PLEC: variants seen among roughly 807,000 people sequenced by gnomAD.
The protein encoded by PLEC is plectin, also known as hemidesmosomal protein 1.
In PLEC, 216 loss-of-function variants were observed where a neutral mutation model predicts 392.8. The observed-to-expected ratio is 0.55, with a 90% CI of 0.49 to 0.62. The LOEUF is 0.62. Among genes scored for constraint, PLEC ranks in the 20% least tolerant of loss-of-function variants. The probability of loss-of-function intolerance (pLI) is 0.00; values close to 1 mark genes in which losing one functional copy is unlikely to be tolerated. For synonymous variants in PLEC, 3,621 were observed against 2,980.6 expected, an observed-to-expected ratio of 1.21 and a Z score of -7.00; for missense variants, 6,863 against 6,563.4, an observed-to-expected ratio of 1.05 and a Z score of -1.58.
chr8:143,935,876 G>C lies in PLEC; in HGVS notation c.574C>G (p.Leu192Val), dbSNP rs1554722767. 2 of 1,612,924 alleles carry C rather than the reference G, an allele frequency of 1.2e-6. No individual in the cohort carries two copies. Among genetic ancestry groups the C allele is most frequent in the East Asian group, 4.5e-5 (2 of 44,888 alleles). The change falls in exon 6 of 32, where the codon CTC becomes GTC. Residue 192 changes from leucine to valine, a missense_variant. Physicochemically the swap from Leu to Val is conservative, Grantham distance 32. Coordinates refer to ENST00000345136, the MANE Select transcript of PLEC (RefSeq NM_201384.3). Reference sequence around the variant, plus strand: ...TGCCGGTGGATGATGGCATTGAAGAGGCGGCCGTCTCTCCAGCTGGAGGTG... The same window carrying C: ...TGCCGGTGGATGATGGCATTGAAGACGCGGCCGTCTCTCCAGCTGGAGGTG... ...NFTSSWRDGR[L>V]FNAIIHRHKP...
chr8:143,932,419 G>A lies in PLEC; in HGVS notation c.1958C>T (p.Ala653Val), dbSNP rs1444024510. ...GCTCACCGAGTAGCTCTCCTTCTTG[G>A]CGGTCATGTTGGTGTTGCGGTCGCT... ...DWSDRNTNMT[A>V]KKESYSALMR... is the part of the protein sequence containing the mutation. The change falls in exon 16 of 32, where the codon GCC becomes GTC. Residue 653 changes from alanine to valine, a missense_variant. Physicochemically the swap from Ala to Val is moderately conservative, Grantham distance 64. Transcript: ENST00000345136. 1.2e-6 allele frequency: 2 copies of A among 1,612,774 alleles called. No homozygotes were observed. Among genetic ancestry groups the A allele is most frequent in the Non-Finnish European group, 1.7e-6 (2 of 1,179,980 alleles).
At position 143,916,375 on chromosome 8, in the gene PLEC, G is replaced by A. The variant is rs1554668901; in HGVS notation, c.13446C>T (p.Gly4482=). 1 of 1,610,356 alleles carries A rather than the reference G, an allele frequency of 6.2e-7. No homozygotes were observed. The highest frequency in any genetic ancestry group is 2.2e-5 in the East Asian group (1 of 44,804). ...TGCGGGAGCCAGCGGTAGAGCCGGA[G>A]CCGCTGACGCTGTAGGGGCTGTAGT... is the stretch of plus-strand genomic sequence containing the variant. The part of the protein sequence containing the change: ...KGYYSPYSVS[G]SGSTAGSRTG... Residue 4482 remains glycine (G), a synonymous_variant, in exon 32 of 32, where the codon GGC becomes GGT. Coordinates refer to ENST00000345136, the MANE Select transcript of PLEC (RefSeq NM_201384.3).
In PLEC at chr8:143,922,763, A is replaced by G. The variant is rs782669267; in HGVS notation, c.7166T>C (p.Val2389Ala). Residue 2389 changes from valine to alanine, a missense_variant, in exon 31 of 32, where the codon GTG becomes GCG. Transcript: ENST00000345136. ...SAEAERLKLR[V>A]AEMSRAQARA... ...GGCCTGGGCTCGGCTCATCTCGGCC[A>G]CACGCAGCTTGAGGCGCTCAGCCTC... 1 of 1,607,816 alleles carries G rather than the reference A, an allele frequency of 6.2e-7. No individual in the cohort carries two copies. The highest frequency in any genetic ancestry group is 1.7e-5 in the Admixed American group (1 of 59,780).
At chr8:143,932,590 G>A in intron 15 of PLEC, 29 bp from the exon 16 acceptor site, 3 of 1,612,264 alleles carry the variant, frequency 1.9e-6, no homozygotes, top group Non-Finnish European at 2.5e-6. Flanking sequence ...GTGTCAGCAG[G>A]CCGCGGGCTA....
chr8:143,924,817 G>A lies in PLEC; in HGVS notation c.5112C>T (p.Thr1704=), dbSNP rs1554699125. Reference sequence around the variant, plus strand: ...GCTCCGCGGCCAGGCGCTGCTGCGCGGTGCCTTCCGCCAGCTGCCGCTGCT... The same window carrying A: ...GCTCCGCGGCCAGGCGCTGCTGCGCAGTGCCTTCCGCCAGCTGCCGCTGCT... The part of the protein sequence containing the change: ...LEKQRQLAEG[T]AQQRLAAEQE... Residue 1704 remains threonine (T), a synonymous_variant, in exon 31 of 32, where the codon ACC becomes ACT. Coordinates refer to ENST00000345136, the MANE Select transcript of PLEC (RefSeq NM_201384.3). 48 of 1,541,594 alleles carry A rather than the reference G, an allele frequency of 3.1e-5. No homozygotes were observed. The highest frequency in any genetic ancestry group is 1.7e-4 in the Middle Eastern group (1 of 5,940).
In PLEC at chr8:143,919,165, C is replaced by T. The variant is rs368312695; in HGVS notation, c.10656G>A (p.Val3552=). The change falls in exon 32 of 32, where the codon GTG becomes GTA. Residue 3552 remains valine (V), a synonymous_variant. Coordinates refer to ENST00000345136, the MANE Select transcript of PLEC (RefSeq NM_201384.3). ...PLKGAEKAEV[V]ETTQVYTEEE... ...CCTCAGTGTACACCTGCGTGGTCTC[C>T]ACCACCTCAGCCTTCTCCGCCCCTT... 1.8e-4 allele frequency: 284 copies of T among 1,613,626 alleles called. No individual in the cohort carries two copies. In the African/African-American group the frequency reaches 3.2e-3, roughly 18 times the overall value.
chr8:143,921,511 G>C lies in PLEC; in HGVS notation c.8310C>G (p.Ala2770=), dbSNP rs782338339. 15 of 1,612,968 alleles carry C rather than the reference G, an allele frequency of 9.3e-6. No individual in the cohort carries two copies. The highest frequency in any genetic ancestry group is 1.7e-5 in the Admixed American group (1 of 60,018). ...CCTTGTAGCCAGTGACGGCGCGCTC[G>C]GCCGACAGCAGCTTGTGGTGCAGCT... is the stretch of plus-strand genomic sequence containing the variant. ...GPELHHKLLS[A]ERAVTGYKDP... The change falls in exon 32 of 32, where the codon GCC becomes GCG. Residue 2770 remains alanine (A), a synonymous_variant. Coordinates refer to ENST00000345136, the MANE Select transcript of PLEC (RefSeq NM_201384.3).
upstream of PLEC, among the ~76,000 whole-genome samples, chr8:143,941,943 AG>A (rs1161957604): frequency 1.6e-4 from 25 of 152,122 alleles, no homozygotes; most frequent in Admixed American, 1.6e-3. Flanking sequence ...CCCGTTTTAC[AG>A]GTGTGGACCC....
rs201670327 is a variant in PLEC at position 143,917,803 on chromosome 8, C to T, written c.12018G>A (p.Ser4006=). 4.5e-5 allele frequency: 73 copies of T among 1,613,524 alleles called. No homozygotes were observed. Among genetic ancestry groups the T allele is most frequent in the South Asian group, 3.2e-4 (29 of 91,080 alleles). ...TGTACCCAGTGACGGCGCGCTCGGC[C>T]GACAGCAGCTTGTCCTTGAACTCGG... ...VGPEFKDKLL[S]AERAVTGYKD... Residue 4006 remains serine (S), a synonymous_variant, in exon 32 of 32, where the codon TCG becomes TCA. Transcript: ENST00000345136.
chr8:143,937,382 C>T, intron 3 of PLEC, 140 bp from the exon 4 acceptor site: 5 of 694,046 alleles, frequency 7.2e-6, no homozygotes, highest in South Asian at 4.9e-5. Flanking sequence ...TTCACCCTCC[C>T]CCGCAGGGAA....
upstream of PLEC, chr8:143,958,849 G>T (rs1329293881): frequency 7.9e-6 from 2 of 253,430 alleles, no homozygotes; most frequent in African/African-American, 2.2e-5. The surrounding 1 kb of genome is among the most constrained non-coding windows in gnomAD (Gnocchi z 4.9). Flanking sequence ...CAGACACGAA[G>T]GTGTCACCAC....
In PLEC at chr8:143,935,083, G is replaced by A; in HGVS notation, c.753C>T (p.Ile251=). 6.2e-7 allele frequency: 1 copy of A among 1,613,010 alleles called. No individual in the cohort carries two copies. Among genetic ancestry groups the A allele is most frequent in the Non-Finnish European group, 8.5e-7 (1 of 1,179,974 alleles). The change falls in exon 8 of 32, where the codon ATC becomes ATT. Residue 251 remains isoleucine, a synonymous_variant. Transcript: ENST00000345136. ...CATACAGCGACGAGACGTAGGTGAT[G>A]ATGGACTTCTCGTCGGGCTGAGGGA... is the stretch of plus-strand genomic sequence containing the variant. ...VDVPQPDEKS[I]ITYVSSLYDA...
intron 1 of PLEC, among the ~76,000 whole-genome samples, chr8:143,950,001 A>G (rs1554734637): frequency 6.6e-6 from 1 of 152,188 alleles, no homozygotes; most frequent in African/African-American, 2.4e-5. Context: ...AGGAGGGGCC[A>G]CATGGGCCCA....
chr8:143,973,203 G>T lies in PLEC; in HGVS notation c.70+200C>A, dbSNP rs1833520638. On this transcript the variant is annotated intron_variant, in intron 1 of 31. Transcript: ENST00000356346. This position sits in a 1 kb window ranked among gnomAD's most constrained non-coding sequence, Gnocchi z 5.6. ...CCCGAGCCGCGCGATGCCCTATTAA[G>T]GGCATGGCCTCGGGGGCTCAGCGGA... 7.0e-6 allele frequency among the ~76,000 whole-genome samples: 1 copy of T among 142,756 alleles called. No individual in the cohort carries two copies. The highest frequency in any genetic ancestry group is 1.5e-5 in the Non-Finnish European group (1 of 65,142). The allele number at this position is 142,756 out of a possible 152,430, so 93.7% of individuals were successfully genotyped here.
chr8:143,938,609 C>A (rs7823393), intron 2 of PLEC, 22 bp downstream of exon 2: 2 of 1,612,086 alleles, frequency 1.2e-6, no homozygotes, highest in Non-Finnish European at 1.7e-6. Context: ...CCCTGTGACA[C>A]GCACCAGCAT....
Position 143,921,547 on chromosome 8 carries a change from C to T in PLEC, c.8274G>A (p.Val2758=), listed in dbSNP as rs782739366. 2 of 1,612,680 alleles carry T rather than the reference C, an allele frequency of 1.2e-6. No individual in the cohort carries two copies. The highest frequency in any genetic ancestry group is 1.7e-6 in the Non-Finnish European group (2 of 1,179,640). The change falls in exon 32 of 32, where the codon GTG becomes GTA. Residue 2758 remains valine (V), a synonymous_variant. Transcript: ENST00000345136. ...GCTTGTGGTGCAGCTCGGGGCCCAC[C>T]ACACCCTCCTTCACAGCCTCGTTGA... The part of the protein sequence containing the change: ...LTVNEAVKEG[V]VGPELHHKLL...
rs1828908426 is a variant in PLEC, at chr8:143,935,845, T to C, written c.602+3A>G. On this transcript the variant is annotated splice_donor_region_variant and intron_variant, in intron 6 of 31. Coordinates refer to ENST00000345136, the MANE Select transcript of PLEC (RefSeq NM_201384.3). The stretch of plus-strand genomic sequence containing the variant: ...ACAGCCCCCTGCCCCCGGGGCCATG[T>C]ACTTGTGCCGGTGGATGATGGCATT... The C allele has an allele frequency of 6.2e-7, 1 of 1,612,826 alleles. No homozygotes were observed.
Position 143,927,265 on chromosome 8 carries a change from A to G in PLEC, c.3827T>C (p.Ile1276Thr). The change falls in exon 28 of 32, where the codon ATC becomes ACC. Residue 1276 changes from isoleucine to threonine, a missense_variant. Ile to Thr is a moderately conservative substitution (Grantham distance 89, BLOSUM62 -1). Coordinates refer to ENST00000345136, the MANE Select transcript of PLEC (RefSeq NM_201384.3). ...EECQRFAKQY[I>T]NAIKDYELQL... ...GCTGGGCCTCACCTTGATGGCGTTG[A>G]TGTACTGTTTCGCAAACCTCTGGCA... is the stretch of plus-strand genomic sequence containing the variant. The G allele has an allele frequency of 6.2e-7, 1 of 1,613,110 alleles. No individual in the cohort carries two copies. The highest frequency in any genetic ancestry group is 8.5e-7 in the Non-Finnish European group (1 of 1,179,848).
In PLEC at chr8:143,925,124, G is replaced by C. The variant is rs1554700810; in HGVS notation, c.4805C>G (p.Ala1602Gly). The change falls in exon 31 of 32, where the codon GCT becomes GGT. Residue 1602 changes from alanine to glycine, a missense_variant. Transcript: ENST00000345136. ...AGCCTCCTCCCGCAGCTGTGCCACA[G>C]CCACGTGTTCCTCCTGCAGGGAGCG... ...LERSLQEEHV[A>G]VAQLREEAER... 1.3e-6 allele frequency: 2 copies of C among 1,557,962 alleles called. No individual in the cohort carries two copies. The highest frequency in any genetic ancestry group is 1.7e-6 in the Non-Finnish European group (2 of 1,159,930).
Sources: allele counts gnomAD v4.1 joint callset (sites outside exome capture counted in the v4.1 genomes callset), GRCh38; gene constraint gnomAD v4.1.1; non-coding constraint Gnocchi (gnomAD v3.1); transcripts MANE v1.5; gene names NCBI Gene and HGNC (gene_info 2026-07-23, HGNC 2026-07-21).